CHAF1A: variants seen among roughly 807,000 people sequenced by gnomAD.
CHAF1A encodes CAF-1 subunit A.
Under a neutral mutation model 93.2 loss-of-function variants are expected in CHAF1A, and 5 were observed. The ratio of observed to expected loss-of-function variants is 0.05; its 90% CI spans 0.03 to 0.11. The LOEUF is 0.11. Ranked by LOEUF, CHAF1A falls within the 10% of genes least tolerant of loss-of-function variation. The pLI is 1.00. For missense variants in CHAF1A, 1,102 were observed against 1,259.9 expected, an observed-to-expected ratio of 0.87 and a Z score of 1.90; for synonymous variants, 504 against 510.3, an observed-to-expected ratio of 0.99 and a Z score of 0.17.
intron 7 of CHAF1A, among the ~76,000 whole-genome samples, chr19:4,428,457 C>G (rs1208012293): frequency 6.6e-6 from 1 of 152,180 alleles, no homozygotes; most frequent in South Asian, 2.1e-4. Flanking sequence ...GTCTGTCCCC[C>G]CACCGCCGGC....
At chr19:4,444,312 C>T (rs377348522), downstream of CHAF1A, among the ~76,000 whole-genome samples, 7 of 152,142 alleles carry the variant, frequency 4.6e-5, no homozygotes, top group African/African-American at 1.7e-4. Flanking sequence ...GGGGCCGGGG[C>T]ACACATGCCT....
chr19:4,434,853 G>A (rs573443433), intron 13 of CHAF1A, among the ~76,000 whole-genome samples: 1 of 152,222 alleles, frequency 6.6e-6, no homozygotes, highest in African/African-American at 2.4e-5. Context: ...CCTGTAAGGG[G>A]AATGAATGGC....
intron 4 of CHAF1A, among the ~76,000 whole-genome samples, chr19:4,419,940 TCTC>T: frequency 6.6e-6 from 1 of 152,188 alleles, no homozygotes; most frequent in Middle Eastern, 3.4e-3. Flanking sequence ...ATGTTTATAG[TCTC>T]CTTGTTCAGT....
chr19:4,434,578 G>A (rs1974247996), intron 13 of CHAF1A, among the ~76,000 whole-genome samples: 1 of 152,090 alleles, frequency 6.6e-6, no homozygotes. Flanking sequence ...AGATTGCCCT[G>A]TAGCTGGAAT....
At chr19:4,445,975 G>T (rs186087815), downstream of CHAF1A, 164 of 1,525,684 alleles carry the variant, frequency 1.1e-4, no homozygotes, top group Non-Finnish European at 1.4e-4. Context: ...CTCCCTCCTG[G>T]GGGTGTCTGT....
downstream of CHAF1A, chr19:4,446,459 C>A (rs1460194875): frequency 1.3e-6 from 2 of 1,582,772 alleles, no homozygotes; most frequent in Non-Finnish European, 1.7e-6. Context: ...GGTTCTTCCA[C>A]CCCGCCCCGC....
downstream of CHAF1A, chr19:4,444,454 T>C (rs925667518): frequency 6.6e-6 from 1 of 152,254 alleles, no homozygotes; most frequent in Non-Finnish European, 1.5e-5. Flanking sequence ...AACATCAAGC[T>C]GTGGGCAGGA....
chr19:4,402,676 C>T lies in CHAF1A; in HGVS notation c.-87C>T. On this transcript the variant is annotated 5_prime_UTR_variant, in exon 1 of 15. Coordinates refer to ENST00000301280, the MANE Select transcript of CHAF1A (RefSeq NM_005483.3). Reference sequence around the variant, plus strand: ...GCGGCGGCCGCGGCGGCAGCAGCGGCGCGGGCGGGAGGGCGAAGAGCAGCG... The same window carrying T: ...GCGGCGGCCGCGGCGGCAGCAGCGGTGCGGGCGGGAGGGCGAAGAGCAGCG... 3.3e-6 allele frequency: 3 copies of T among 896,384 alleles called. No individual in the cohort carries two copies. The highest frequency in any genetic ancestry group is 5.4e-5 in the South Asian group (1 of 18,412). The allele number at this position is 896,384 out of a possible 1,614,324, so 55.5% of individuals were successfully genotyped here.
Position 4,409,221 on chromosome 19 carries a change from C to T in CHAF1A, c.422C>T (p.Ser141Phe), listed in dbSNP as rs1421915537. Reference protein sequence around the residue: ...VDHNKLNSEASPSREAINGQR... With the variant: ...VDHNKLNSEAFPSREAINGQR... ...CACAATAAACTAAATTCTGAAGCCTCTCCCTCCAGGGAGGCAATAAATGGC... is the reference window on the plus strand; with the variant it reads ...CACAATAAACTAAATTCTGAAGCCTTTCCCTCCAGGGAGGCAATAAATGGC... The change falls in exon 3 of 15, where the codon TCT becomes TTT. Residue 141 changes from serine to phenylalanine, a missense_variant. Around this residue, in one of 6 missense-constraint regions of CHAF1A, gnomAD observed 379 missense variants for 365.7 expected, o/e 1.04. Coordinates refer to ENST00000301280, the MANE Select transcript of CHAF1A (RefSeq NM_005483.3). 2 of 1,614,210 alleles carry T rather than the reference C, an allele frequency of 1.2e-6. No individual in the cohort carries two copies. Among genetic ancestry groups the T allele is most frequent in the Non-Finnish European group, 1.7e-6 (2 of 1,180,044 alleles).
chr19:4,408,461 CTTTTTTTTTTTT>C lies in CHAF1A; in HGVS notation c.104-423_104-412del, dbSNP rs778100682. Among the ~76,000 whole-genome samples, 131 of 36,022 alleles carry C rather than the reference CTTTTTTTTTTTT, an allele frequency of 3.6e-3. 1 individual carries two copies. The highest frequency in any genetic ancestry group is 0.017 in the African/African-American group (103 of 5,964). The allele number at this position is 36,022 out of a possible 152,430, so 23.6% of individuals were successfully genotyped here. On this transcript the variant is annotated intron_variant, in intron 2 of 14. Transcript: ENST00000301280. ...CCTGCCTTGGCCTCCCGCACCCGGC[CTTTTTTTTTTTT>C]TTTTTTTTTTTTTTTTTTGAGAGGG...
downstream of CHAF1A, chr19:4,445,193 G>A (rs1974478908): frequency 1.1e-5 from 4 of 370,712 alleles, no homozygotes; most frequent in South Asian, 7.5e-5. Context: ...TCCTGCCCAG[G>A]GAGATGCCAC....
At chr19:4,424,058 A>G (rs1393794389) in intron 7 of CHAF1A, among the ~76,000 whole-genome samples, 184 bp downstream of exon 7, 8 of 152,164 alleles carry the variant, frequency 5.3e-5, no homozygotes, top group Admixed American at 5.2e-4. Flanking sequence ...CTTTGTCCCA[A>G]AGAGGTAAAA....
At position 4,404,358 on chromosome 19, in the gene CHAF1A, T is replaced by C. The variant is rs539604005; in HGVS notation, c.52+1544T>C. 1.1e-4 allele frequency among the ~76,000 whole-genome samples: 16 copies of C among 152,232 alleles called. 1 individual carries two copies. In the South Asian group the frequency reaches 2.9e-3, roughly 28 times the overall value. Reference sequence around the variant, plus strand: ...AGGGTGGGTCCTGTTTTTAATGAGGTTGTTTCTGTTCCACTTGCACCAAAG... The same window carrying C: ...AGGGTGGGTCCTGTTTTTAATGAGGCTGTTTCTGTTCCACTTGCACCAAAG... On this transcript the variant is annotated intron_variant, in intron 1 of 14. Transcript: ENST00000301280.
Position 4,409,297 on chromosome 19 carries a change from C to T in CHAF1A, c.498C>T (p.Asn166=), listed in dbSNP as rs546330233. ...DQQGLLKAIQ[N]DKLAFPGETL... ...AGGGGTTGTTGAAGGCCATTCAGAA[C>T]GACAAGTTGGCATTTCCTGGAGAGA... The change falls in exon 3 of 15, where the codon AAC becomes AAT. Residue 166 remains asparagine, a synonymous_variant. Transcript: ENST00000301280. 3.5e-5 allele frequency: 57 copies of T among 1,614,064 alleles called. No individual in the cohort carries two copies. Among genetic ancestry groups the T allele is most frequent in the South Asian group, 1.1e-4 (10 of 91,074 alleles).
downstream of CHAF1A, among the ~76,000 whole-genome samples, chr19:4,443,889 C>T (rs780255179): frequency 2.0e-5 from 3 of 152,152 alleles, no homozygotes; most frequent in Admixed American, 6.5e-5. Flanking sequence ...GGGAGGGTCA[C>T]GCTCGCCAGT....
chr19:4,414,243 A>G (rs963913250), intron 3 of CHAF1A, among the ~76,000 whole-genome samples: 1 of 152,130 alleles, frequency 6.6e-6, no homozygotes, highest in Non-Finnish European at 1.5e-5. Context: ...TGTACAAAAA[A>G]TACAAAAAAT....
Position 4,430,654 on chromosome 19 carries a change from A to G in CHAF1A, c.1947+13A>G. 6.2e-7 allele frequency: 1 copy of G among 1,612,948 alleles called. No homozygotes were observed. Among genetic ancestry groups the G allele is most frequent in the Non-Finnish European group, 8.5e-7 (1 of 1,179,712 alleles). ...AGGTGTGACAGAGGTGAGGGAGTGA[A>G]GGGGGAGGTCACCGGCTCAGCAAAA... On this transcript the variant is annotated intron_variant, in intron 11 of 14. Coordinates refer to ENST00000301280, the MANE Select transcript of CHAF1A (RefSeq NM_005483.3).
At chr19:4,448,193 G>C, downstream of CHAF1A, 1 of 857,314 alleles carries the variant, frequency 1.2e-6, no homozygotes, top group Non-Finnish European at 1.8e-6. Context: ...CTCACTCTCG[G>C]CCTATGCTCC....
rs190954041 is a variant in CHAF1A, at chr19:4,439,374, G to A, written c.2674-2871G>A. 1.5e-3 allele frequency among the ~76,000 whole-genome samples: 227 copies of A among 152,182 alleles called. 2 individuals carry two copies. Among genetic ancestry groups the A allele is most frequent in the African/African-American group, 4.9e-3 (205 of 41,526 alleles). ...AACGTTTTCCTGACTCCTGTTTTCC[G>A]TAGTCTGCGCTCCTCCGTGTCTGTG... On this transcript the variant is annotated intron_variant, in intron 13 of 14. Coordinates refer to ENST00000301280, the MANE Select transcript of CHAF1A (RefSeq NM_005483.3).
Sources: gnomAD v4.1 joint callset for allele counts (sites outside exome capture counted in the v4.1 genomes callset) on GRCh38, gnomAD v4.1.1 for gene constraint, gnomAD v4.1.1 regional missense constraint, MANE v1.5 for transcripts, NCBI Gene and HGNC (gene_info 2026-07-23, HGNC 2026-07-21) for gene names.